Variants in ACSF2 observed in about 807,000 individuals in gnomAD.
ACSF2 encodes medium-chain acyl-CoA ligase ACSF2, mitochondrial.
Under a neutral mutation model 79.3 loss-of-function variants are expected in ACSF2, and 52 were observed. That is an observed-to-expected ratio of 0.66 (90% CI 0.53 to 0.83). ACSF2 has a LOEUF of 0.83. ACSF2 is among the 40% of genes least tolerant of loss of function. ACSF2 has a pLI of 0.00. For missense variants in ACSF2, 661 were observed against 803.3 expected (o/e 0.82, Z 2.14); for synonymous variants, 283 against 312.6 (o/e 0.91, Z 1.00).
intron 12 of ACSF2, 46 bp from the exon 13 acceptor site, chr17:50,473,619 G>C (rs1351684836): frequency 1.2e-6 from 2 of 1,612,336 alleles, no homozygotes; most frequent in Non-Finnish European, 1.7e-6. Context: ...AAGCAAGTGA[G>C]TGAACAAGGC....
rs1184059072 is a variant in ACSF2, at chr17:50,473,666, G to C, written c.1477G>C (p.Asp493His). 1.2e-6 allele frequency: 2 copies of C among 1,614,222 alleles called. No individual in the cohort carries two copies. Among genetic ancestry groups the C allele is most frequent in the African/African-American group, 2.7e-5 (2 of 75,066 alleles). The change falls in exon 13 of 16, where the codon GAT becomes CAT. Residue 493 changes from aspartate to histidine, a missense_variant and splice_region_variant. Coordinates refer to ENST00000300441, the MANE Select transcript of ACSF2 (RefSeq NM_025149.6). ...GTTGCCCCTGGGCTTTCCTTACAGAGATGTCGCCACAATGAATGAGCAGGG... is the reference window on the plus strand; with the variant it reads ...GTTGCCCCTGGGCTTTCCTTACAGACATGTCGCCACAATGAATGAGCAGGG... ...VDQDKWYWTG[D>H]VATMNEQGFC...
intron 1 of ACSF2, among the ~76,000 whole-genome samples, chr17:50,458,237 A>T (rs1302961478): frequency 1.3e-5 from 2 of 152,152 alleles, no homozygotes; most frequent in Admixed American, 1.3e-4. Flanking sequence ...TGGGTGGAGA[A>T]AACCCCAACC....
At position 50,468,883 on chromosome 17, in the gene ACSF2, G is replaced by A. The variant is rs1598433513; in HGVS notation, c.1216-2145G>A. 5 of 1,439,310 alleles carry A rather than the reference G, an allele frequency of 3.5e-6. No individual in the cohort carries two copies. The East Asian group carries it at 1.3e-4, about 37-fold the overall frequency. The allele number at this position is 1,439,310 out of a possible 1,614,324, so 89.2% of individuals were successfully genotyped here. On this transcript the variant is annotated intron_variant, in intron 10 of 15. Coordinates refer to ENST00000300441, the MANE Select transcript of ACSF2 (RefSeq NM_025149.6). The stretch of plus-strand genomic sequence containing the variant: ...GGGCGCGGGCAGCGGCGAGTCCTAG[G>A]CGCTCGGGTCTGCCGCCCTCTTTAT...
chr17:50,472,209 C>G (rs1384777636), intron 11 of ACSF2: 1 of 532,356 alleles, frequency 1.9e-6, no homozygotes, highest in Non-Finnish European at 3.2e-6. Context: ...GCCTGGGACT[C>G]AGCTCTTCTT....
intron 1 of ACSF2, among the ~76,000 whole-genome samples, chr17:50,453,277 C>T (rs986046973): frequency 3.3e-5 from 5 of 151,670 alleles, no homozygotes; most frequent in East Asian, 2.0e-4. Flanking sequence ...GACACAATCT[C>T]GGCTCACTGC....
chr17:50,472,636 G>A (rs2143811556), intron 12 of ACSF2, 57 bp downstream of exon 12: 2 of 1,545,338 alleles, frequency 1.3e-6, no homozygotes, highest in East Asian at 2.4e-5. Context: ...TGGAGGTCTT[G>A]AGGCTGAGCC....
intron 1 of ACSF2, among the ~76,000 whole-genome samples, chr17:50,434,111 T>C (rs2143502339): frequency 6.7e-6 from 1 of 149,812 alleles, no homozygotes; most frequent in South Asian, 2.2e-4. Flanking sequence ...CCCAGAAGTT[T>C]GAGACCAGCC....
At chr17:50,449,542 C>G (rs1360625489) in intron 1 of ACSF2, among the ~76,000 whole-genome samples, 1 of 146,974 alleles carries the variant, frequency 6.8e-6, no homozygotes, top group Non-Finnish European at 1.5e-5. Flanking sequence ...GTAACTGGGA[C>G]TACAGGCGCC....
At position 50,472,510 on chromosome 17, in the gene ACSF2, T is replaced by C; in HGVS notation, c.1406T>C (p.Met469Thr). The C allele has an allele frequency of 6.2e-7, 1 of 1,613,014 alleles. No individual in the cohort carries two copies. Among genetic ancestry groups the C allele is most frequent in the Non-Finnish European group, 8.5e-7 (1 of 1,179,500 alleles). The stretch of plus-strand genomic sequence containing the variant: ...CTGTGCATCCGAGGGTACTGCGTCA[T>C]GCTGGGCTACTGGGGTGAGCCTCAG... ...GELCIRGYCVMLGYWGEPQKT... is the reference protein window; with the variant it reads ...GELCIRGYCVTLGYWGEPQKT... The change falls in exon 12 of 16, where the codon ATG becomes ACG. Residue 469 changes from methionine to threonine, a missense_variant. Met to Thr is a moderately conservative substitution (Grantham distance 81). Transcript: ENST00000300441.
intron 1 of ACSF2, among the ~76,000 whole-genome samples, chr17:50,444,998 T>G (rs1230908952): frequency 6.6e-6 from 1 of 152,022 alleles, no homozygotes; most frequent in African/African-American, 2.4e-5. Context: ...CACTGCAACC[T>G]TGAAGTCCTG....
At chr17:50,439,430 A>G (rs1050297793) in intron 1 of ACSF2, among the ~76,000 whole-genome samples, 6 of 151,998 alleles carry the variant, frequency 3.9e-5, no homozygotes, top group Non-Finnish European at 8.8e-5. Flanking sequence ...TTCTTCTTTC[A>G]TACAGTAGTA....
In ACSF2 at chr17:50,445,702, G is replaced by A. The variant is rs557094246; in HGVS notation, c.129-14975G>A. ...TGTGTTCCCAGCTACTCAGGAGGCT[G>A]GGATAGGAGGATCACTTGAAATTGG... On this transcript the variant is annotated intron_variant, in intron 1 of 15. Transcript: ENST00000300441. 4.6e-5 allele frequency among the ~76,000 whole-genome samples: 7 copies of A among 152,176 alleles called. No homozygotes were observed. In the East Asian group the frequency reaches 9.6e-4, roughly 21 times the overall value.
chr17:50,469,889 G>A (rs1185471904), intron 10 of ACSF2: 1 of 152,390 alleles, frequency 6.6e-6, no homozygotes, highest in Non-Finnish European at 1.5e-5. Flanking sequence ...AAGTTCTGTG[G>A]GCAGTCCCGC....
intron 12 of ACSF2, 51 bp from the exon 13 acceptor site, chr17:50,473,614 A>G: frequency 1.2e-6 from 2 of 1,611,656 alleles, no homozygotes; most frequent in Middle Eastern, 1.7e-4. Flanking sequence ...TGAGCAAGCA[A>G]GTGAGTGAAC....
At chr17:50,427,250 G>A (rs1915079385) in intron 1 of ACSF2, among the ~76,000 whole-genome samples, 1 of 152,230 alleles carries the variant, frequency 6.6e-6, no homozygotes, top group African/African-American at 2.4e-5. Flanking sequence ...TCAGAACAAA[G>A]CTGTGTCTCA....
rs1163371541 is a variant in ACSF2, at chr17:50,474,790, CCT to C, written c.*239_*240del. ...CCCTCCTGTCCATCCCCCACATTCC[CCT>C]GTCTGTCCTTGTGATTTGGCATAAA... On this transcript the variant is annotated 3_prime_UTR_variant, in exon 16 of 16. Coordinates refer to ENST00000300441, the MANE Select transcript of ACSF2 (RefSeq NM_025149.6). The surrounding 1 kb of genome is among the most constrained non-coding windows in gnomAD (Gnocchi z 4.2). 4.9e-5 allele frequency: 27 copies of C among 545,702 alleles called. 1 individual carries two copies. In the East Asian group the frequency reaches 5.3e-4, roughly 11 times the overall value. 33.8% of individuals were successfully genotyped at this position (545,702 alleles called of 1,614,324 possible).
At chr17:50,439,064 T>C (rs1327861080) in intron 1 of ACSF2, among the ~76,000 whole-genome samples, 1 of 151,982 alleles carries the variant, frequency 6.6e-6, no homozygotes, top group Admixed American at 6.6e-5. Context: ...AAACAATACA[T>C]ATTTTATGCC....
Position 50,463,331 on chromosome 17 carries a change from G to A in ACSF2, c.889-64G>A. On this transcript the variant is annotated intron_variant, in intron 7 of 15. Transcript: ENST00000300441. This position sits in a 1 kb window ranked among gnomAD's most constrained non-coding sequence, Gnocchi z 4.6. ...GTGGGGGGCTGGCTGGGCTCCCCTT[G>A]CCAGCTAGAGAGGAACTGGCGTCTG... 1 of 1,610,474 alleles carries A rather than the reference G, an allele frequency of 6.2e-7. No individual in the cohort carries two copies. The highest frequency in any genetic ancestry group is 8.5e-7 in the Non-Finnish European group (1 of 1,178,010).
intron 4 of ACSF2, 142 bp from the exon 5 acceptor site, chr17:50,462,041 AG>A: frequency 1.4e-6 from 1 of 689,988 alleles, no homozygotes; most frequent in East Asian, 2.7e-5. Flanking sequence ...TTTGTCTTGG[AG>A]TGTGGTGCCT....
Sources: allele counts gnomAD v4.1 joint callset (sites outside exome capture counted in the v4.1 genomes callset), GRCh38; gene constraint gnomAD v4.1.1; non-coding constraint Gnocchi (gnomAD v3.1); transcripts MANE v1.5; gene names NCBI Gene and HGNC (gene_info 2026-07-23, HGNC 2026-07-21).